Variants in EXD3 observed in about 807,000 individuals in gnomAD.
The protein encoded by EXD3 is exonuclease 3'-5' domain containing 3.
A neutral mutation model predicts 98.0 loss-of-function variants in EXD3; 92 were observed. The observed-to-expected ratio is 0.94, with a 90% CI of 0.79 to 1.12. The LOEUF is 1.12. Among genes scored for constraint, EXD3 ranks in the 50% most tolerant of loss-of-function variants. The pLI is 0.00. For missense variants in EXD3, 1,222 were observed against 1,191.6 expected (o/e 1.03, Z -0.38); for synonymous variants, 569 against 526.0 (o/e 1.08, Z -1.12).
In EXD3 at chr9:137,378,200, T is replaced by C. The variant is rs998765498; in HGVS notation, c.121-4601A>G. ...GGCAGTTTCCCAAAGATTTATTTGTTTATTTATTTTTATTTATTTATTATT... is the reference window on the plus strand; with the variant it reads ...GGCAGTTTCCCAAAGATTTATTTGTCTATTTATTTTTATTTATTTATTATT... On this transcript the variant is annotated intron_variant, in intron 3 of 21. Transcript: ENST00000340951. Among the ~76,000 whole-genome samples, 33 of 151,810 alleles carry C rather than the reference T, an allele frequency of 2.2e-4. 1 individual carries two copies. Among genetic ancestry groups the C allele is most frequent in the African/African-American group, 7.5e-4 (31 of 41,388 alleles).
At chr9:137,353,015 T>G in intron 10 of EXD3, 1 of 1,362,754 alleles carries the variant, frequency 7.3e-7, no homozygotes. Context: ...TCCACCCCAG[T>G]GTAGCCCCGG....
intron 2 of EXD3, among the ~76,000 whole-genome samples, chr9:137,388,378 G>A (rs1016882262): frequency 3.9e-5 from 6 of 152,150 alleles, no homozygotes; most frequent in African/African-American, 1.4e-4. Context: ...TTGCAGGGAC[G>A]CAGGATGGGC....
At chr9:137,328,683 TACACGGGACTACACAGGGTC>T (rs1330525204) in intron 17 of EXD3, among the ~76,000 whole-genome samples, 1 of 47,582 alleles carries the variant, frequency 2.1e-5, no homozygotes, top group Admixed American at 2.0e-4. Flanking sequence ...TACACGGGGC[TACACGGGACTACACAGGGTC>T]ACACGGGACT....
At chr9:137,409,086 T>G (rs1291133875) in intron 1 of EXD3, among the ~76,000 whole-genome samples, 1 of 152,226 alleles carries the variant, frequency 6.6e-6, no homozygotes, top group African/African-American at 2.4e-5. Flanking sequence ...AGGTGGGGCC[T>G]TGGGACGTGC....
At chr9:137,417,455 C>G (rs369510196) in intron 1 of EXD3, among the ~76,000 whole-genome samples, 1,659 of 152,292 alleles carry the variant, frequency 0.011, 21 homozygotes, top group African/African-American at 0.037. Flanking sequence ...ACGGAGCCAA[C>G]GGCGCGAGGG....
intron 19 of EXD3, among the ~76,000 whole-genome samples, chr9:137,318,707 C>T (rs1034772241): frequency 3.3e-5 from 5 of 152,088 alleles, no homozygotes; most frequent in Non-Finnish European, 7.4e-5. Flanking sequence ...GGGCCATCCT[C>T]GCTCGAGGGG....
chr9:137,309,834 G>C, intron 19 of EXD3, 134 bp from the exon 20 acceptor site: 1 of 671,396 alleles, frequency 1.5e-6, no homozygotes, highest in Non-Finnish European at 2.6e-6. Flanking sequence ...GTCCCCTCCT[G>C]TCCCCACGCA....
chr9:137,368,527 G>A (rs1485002181), intron 5 of EXD3, among the ~76,000 whole-genome samples: 1 of 152,204 alleles, frequency 6.6e-6, no homozygotes, highest in African/African-American at 2.4e-5. Context: ...GGCTGCGATC[G>A]GGGCACGGCC....
In EXD3 at chr9:137,358,014, A is replaced by C. The variant is rs1834879138; in HGVS notation, c.657-1646T>G. Among the ~76,000 whole-genome samples the C allele has an allele frequency of 4.6e-5, 7 of 152,116 alleles. No homozygotes were observed. The South Asian group carries it at 1.5e-3, about 32-fold the overall frequency. On this transcript the variant is annotated intron_variant, in intron 7 of 21. Coordinates refer to ENST00000340951, the MANE Select transcript of EXD3 (RefSeq NM_017820.5). ...GATGAGACGGTGCCCACTGAGATTA[A>C]GGGTGCGTCTGCCTCTCCCAGTCCA...
At position 137,393,194 on chromosome 9, in the gene EXD3, C is replaced by T. The variant is rs773136322; in HGVS notation, c.55+2109G>A. The T allele has an allele frequency of 1.4e-6, 1 of 702,720 alleles. No homozygotes were observed. Among genetic ancestry groups the T allele is most frequent in the African/African-American group, 1.7e-5 (1 of 57,334 alleles). 43.5% of individuals were successfully genotyped at this position (702,720 alleles called of 1,614,324 possible). ...GGTGTTGCACTTTGAAAACATCCCA[C>T]TCTGCTTAGGTGGAGAAGAGGCTGT... is the stretch of plus-strand genomic sequence containing the variant. On this transcript the variant is annotated intron_variant, in intron 2 of 21. Coordinates refer to ENST00000340951, the MANE Select transcript of EXD3 (RefSeq NM_017820.5). This position sits in a 1 kb window ranked among gnomAD's most constrained non-coding sequence, Gnocchi z 4.6.
At chr9:137,376,205 A>T (rs543485137) in intron 3 of EXD3, among the ~76,000 whole-genome samples, 2 of 151,910 alleles carry the variant, frequency 1.3e-5, no homozygotes, top group Admixed American at 1.3e-4. Flanking sequence ...TTAGCCGGGC[A>T]TGGTGGCGGG....
At chr9:137,335,223 C>T (rs1833293077) in intron 17 of EXD3, among the ~76,000 whole-genome samples, 1 of 151,938 alleles carries the variant, frequency 6.6e-6, no homozygotes, top group South Asian at 2.1e-4. Context: ...CAAAGAATCC[C>T]ATCAAAAAAT....
intron 19 of EXD3, among the ~76,000 whole-genome samples, chr9:137,317,033 C>T (rs1831708790): frequency 1.3e-5 from 2 of 152,092 alleles, no homozygotes; most frequent in South Asian, 4.1e-4. Context: ...GGGCAGCTCT[C>T]CTGCTCAGCC....
intron 8 of EXD3, 29 bp downstream of exon 8, chr9:137,356,239 T>A (rs1397011185): frequency 1.3e-6 from 2 of 1,531,466 alleles, no homozygotes; most frequent in Admixed American, 3.7e-5. Context: ...CCCTGGCCTG[T>A]GGGGCAGGAA....
At chr9:137,341,217 T>C (rs1402740097) in intron 17 of EXD3, among the ~76,000 whole-genome samples, 1 of 152,178 alleles carries the variant, frequency 6.6e-6, no homozygotes, top group African/African-American at 2.4e-5. Context: ...CTCAGGAGGC[T>C]GAGTTGGGAG....
chr9:137,362,936 G>C (rs758231227), intron 7 of EXD3, among the ~76,000 whole-genome samples: 1 of 151,874 alleles, frequency 6.6e-6, no homozygotes, highest in Non-Finnish European at 1.5e-5. Context: ...TCAGCCTCCT[G>C]AGTAGCTGGG....
intron 19 of EXD3, among the ~76,000 whole-genome samples, 176 bp from the exon 20 acceptor site, chr9:137,309,876 C>T (rs1338874389): frequency 6.6e-6 from 1 of 152,244 alleles, no homozygotes; most frequent in African/African-American, 2.4e-5. Flanking sequence ...ATACCGCCTC[C>T]TGGAAGCCCT....
chr9:137,364,609 C>T lies in EXD3; in HGVS notation c.656+1884G>A, dbSNP rs565001859. 4.0e-4 allele frequency among the ~76,000 whole-genome samples: 60 copies of T among 148,562 alleles called. 1 individual carries two copies. The highest frequency in any genetic ancestry group is 1.4e-3 in the African/African-American group (58 of 40,126). On this transcript the variant is annotated intron_variant, in intron 7 of 21. Transcript: ENST00000340951. Reference sequence around the variant, plus strand: ...TGCACTCCAGCCTGGGCGACAAAGGCTTCATCTAAAAAAAAAAATCATTAA... The same window carrying T: ...TGCACTCCAGCCTGGGCGACAAAGGTTTCATCTAAAAAAAAAAATCATTAA...
chr9:137,307,956 G>A (rs1026116749), intron 20 of EXD3, among the ~76,000 whole-genome samples: 6 of 151,720 alleles, frequency 4.0e-5, no homozygotes, highest in Admixed American at 6.6e-5. Flanking sequence ...GCGGGCGGGG[G>A]CGGGGGCAGC....
Sources: gnomAD v4.1 joint callset for allele counts (sites outside exome capture counted in the v4.1 genomes callset) on GRCh38, gnomAD v4.1.1 for gene constraint, Gnocchi (gnomAD v3.1) non-coding constraint, MANE v1.5 for transcripts, NCBI Gene and HGNC (gene_info 2026-07-23, HGNC 2026-07-21) for gene names.